The following MGAT4C variants were observed in gnomAD, a reference collection of about 807,000 sequenced individuals.
MGAT4C encodes MGAT4 family member C, also known as alpha-1,3-mannosyl-glycoprotein 4-beta-N-acetylglucosaminyltransferase C.
In MGAT4C, 19 loss-of-function variants were observed where a neutral mutation model predicts 40.1. That is an observed-to-expected ratio of 0.47 (90% CI 0.33 to 0.70). MGAT4C has a LOEUF of 0.70. Among genes scored for constraint, MGAT4C ranks in the 30% least tolerant of loss-of-function variants. The pLI, the probability that MGAT4C is intolerant of heterozygous loss-of-function variation, is 0.02. For missense variants in MGAT4C, 491 were observed against 563.2 expected, an observed-to-expected ratio of 0.87 and a Z score of 1.30; for synonymous variants, 181 against 187.1, an observed-to-expected ratio of 0.97 and a Z score of 0.27.
chr12:86,181,448 T>G (rs1320872937), intron 1 of MGAT4C, among the ~76,000 whole-genome samples: 1 of 152,182 alleles, frequency 6.6e-6, no homozygotes, highest in Non-Finnish European at 1.5e-5. Flanking sequence ...ATTCAACAGA[T>G]AAGCAGTCAA....
At chr12:86,660,917 T>C (rs910369531) in intron 2 of MGAT4C, among the ~76,000 whole-genome samples, 2 of 152,196 alleles carry the variant, frequency 1.3e-5, no homozygotes, top group African/African-American at 2.4e-5. Context: ...TGATGTAAGC[T>C]GTCAGGAAGC....
At chr12:86,214,210 C>T (rs565075876) in intron 1 of MGAT4C, among the ~76,000 whole-genome samples, 15 of 152,204 alleles carry the variant, frequency 9.9e-5, no homozygotes, top group African/African-American at 3.4e-4. Flanking sequence ...TGTCTTTGTA[C>T]GTCTTGTATC....
At chr12:86,563,940 C>T (rs544520260) in intron 2 of MGAT4C, among the ~76,000 whole-genome samples, 1 of 152,240 alleles carries the variant, frequency 6.6e-6, no homozygotes, top group Non-Finnish European at 1.5e-5. Context: ...CACATTGGTT[C>T]CCTGGCTGGT....
intron 2 of MGAT4C, among the ~76,000 whole-genome samples, chr12:86,446,777 T>C (rs939085474): frequency 4.0e-4 from 58 of 143,604 alleles, no homozygotes; most frequent in African/African-American, 1.3e-3. Flanking sequence ...ATATGTAAAT[T>C]TGGGCAAGCT....
At chr12:86,047,122 G>C (rs1314334561) in intron 2 of MGAT4C, among the ~76,000 whole-genome samples, 4 of 152,060 alleles carry the variant, frequency 2.6e-5, no homozygotes, top group Non-Finnish European at 5.9e-5. Flanking sequence ...TCAAGAAACT[G>C]ATATTCTGAA....
chr12:86,169,915 T>C (rs839112), intron 1 of MGAT4C, among the ~76,000 whole-genome samples: 135,065 of 152,244 alleles, frequency 0.89, 60,159 homozygotes, highest in East Asian at 1. Flanking sequence ...GGTATCCTCA[T>C]TTTACAAATA....
At chr12:86,143,275 T>C (rs1490301252) in intron 1 of MGAT4C, among the ~76,000 whole-genome samples, 1 of 152,200 alleles carries the variant, frequency 6.6e-6, no homozygotes, top group Non-Finnish European at 1.5e-5. Flanking sequence ...AGTTTCAGAA[T>C]CATCTCCAAT....
At chr12:86,754,896 T>A (rs1426366778) in intron 1 of MGAT4C, among the ~76,000 whole-genome samples, 2 of 152,244 alleles carry the variant, frequency 1.3e-5, no homozygotes, top group East Asian at 3.9e-4. Flanking sequence ...TTTTTTTCCT[T>A]TACCTATGTT....
chr12:86,536,786 C>T (rs148909781), intron 2 of MGAT4C, among the ~76,000 whole-genome samples: 129 of 152,260 alleles, frequency 8.5e-4, no homozygotes, highest in African/African-American at 2.9e-3. Context: ...TAAAAATCAA[C>T]AGTTATTGTG....
intron 1 of MGAT4C, among the ~76,000 whole-genome samples, chr12:86,762,349 C>A (rs1482939809): frequency 6.6e-6 from 1 of 152,124 alleles, no homozygotes; most frequent in Non-Finnish European, 1.5e-5. Context: ...CCCTGCCTGG[C>A]CCTAAGGCTA....
At chr12:86,501,035 TGGAA>T (rs1958331421) in intron 2 of MGAT4C, among the ~76,000 whole-genome samples, 1 of 152,076 alleles carries the variant, frequency 6.6e-6, no homozygotes, top group South Asian at 2.1e-4. Flanking sequence ...ATGGGAGTTC[TGGAA>T]CAGGCATATA....
chr12:86,239,464 T>A (rs1215290223), intron 1 of MGAT4C, among the ~76,000 whole-genome samples: 1 of 152,092 alleles, frequency 6.6e-6, no homozygotes, highest in East Asian at 1.9e-4. Context: ...CAAAGAAGCA[T>A]GCTTTACAAT....
At chr12:86,702,799 C>A (rs1014960926) in intron 2 of MGAT4C, among the ~76,000 whole-genome samples, 2 of 152,088 alleles carry the variant, frequency 1.3e-5, no homozygotes, top group African/African-American at 4.8e-5. Context: ...CGCTCTGCAG[C>A]CCATTGATCA....
chr12:86,769,303 C>G (rs1426479805), intron 1 of MGAT4C, among the ~76,000 whole-genome samples: 2 of 152,008 alleles, frequency 1.3e-5, no homozygotes, highest in Non-Finnish European at 2.9e-5. Flanking sequence ...AAATGCAAAT[C>G]AAAACCACAA....
chr12:86,108,392 C>T (rs1326007703), intron 1 of MGAT4C, among the ~76,000 whole-genome samples: 1 of 152,132 alleles, frequency 6.6e-6, no homozygotes, highest in East Asian at 1.9e-4. Flanking sequence ...AAACTATATT[C>T]TAACTCCTTA....
At chr12:85,985,069 C>T (rs555510100) in intron 3 of MGAT4C, among the ~76,000 whole-genome samples, 1 of 152,176 alleles carries the variant, frequency 6.6e-6, no homozygotes, top group Non-Finnish European at 1.5e-5. Flanking sequence ...TGTGAGCCAG[C>T]ACACCTGGCC....
intron 2 of MGAT4C, among the ~76,000 whole-genome samples, chr12:86,596,077 C>T (rs1056611537): frequency 3.9e-5 from 6 of 151,956 alleles, no homozygotes; most frequent in African/African-American, 1.5e-4. Flanking sequence ...AAACAAGTAC[C>T]AACTCTTTTT....
intron 2 of MGAT4C, among the ~76,000 whole-genome samples, chr12:86,486,376 G>GCGCA (rs1958019072): frequency 7.1e-6 from 1 of 139,988 alleles, no homozygotes; most frequent in Non-Finnish European, 1.5e-5. Flanking sequence ...GATCTATCAT[G>GCGCA]CACACACACA....
chr12:86,463,449 C>T (rs1322042345), intron 2 of MGAT4C, among the ~76,000 whole-genome samples: 2 of 152,030 alleles, frequency 1.3e-5, no homozygotes, highest in Admixed American at 6.6e-5. Flanking sequence ...TTTCCCATTC[C>T]TCTAGGCTTT....
Sources: allele counts gnomAD v4.1 joint callset (sites outside exome capture counted in the v4.1 genomes callset), GRCh38; gene constraint gnomAD v4.1.1; transcripts MANE v1.5; gene names NCBI Gene and HGNC (gene_info 2026-07-23, HGNC 2026-07-21).